Variants in NRXN1 observed in about 807,000 individuals in gnomAD.
NRXN1 encodes the protein neurexin-1.
NRXN1 carries 39 observed loss-of-function variants against 150.9 expected under a neutral mutation model. The ratio of observed to expected loss-of-function variants is 0.26; its 90% CI spans 0.20 to 0.34. The LOEUF (loss-of-function observed/expected upper bound fraction) is 0.34. Among genes scored for constraint, NRXN1 ranks in the 10% least tolerant of loss-of-function variants. The pLI is 1.00. For missense variants in NRXN1, 1,815 were observed against 1,949.9 expected (o/e 0.93, Z 1.30); for synonymous variants, 924 against 757.0 (o/e 1.22, Z -3.62).
At chr2:50,828,444 C>T (rs1452462934) in intron 5 of NRXN1, among the ~76,000 whole-genome samples, 18 of 149,060 alleles carry the variant, frequency 1.2e-4, no homozygotes, top group South Asian at 4.3e-4. Context: ...GGGCGGCTGC[C>T]GGGCGGAGGG....
intron 21 of NRXN1, chr2:49,973,199 T>C (rs1678259953): frequency 6.6e-6 from 1 of 152,208 alleles, no homozygotes; most frequent in Non-Finnish European, 1.5e-5. Context: ...AATTATTTCA[T>C]CTGGGAGGCA....
chr2:50,446,463 TC>T (rs1468915366), intron 17 of NRXN1, among the ~76,000 whole-genome samples: 1 of 124,780 alleles, frequency 8.0e-6, no homozygotes, highest in Non-Finnish European at 1.7e-5. Flanking sequence ...TTTCCCCTGT[TC>T]CTCCCTCCCT....
intron 18 of NRXN1, among the ~76,000 whole-genome samples, chr2:50,141,621 T>C (rs1315299886): frequency 6.6e-6 from 1 of 151,792 alleles, no homozygotes; most frequent in African/African-American, 2.4e-5. Flanking sequence ...AAAAGCCAAA[T>C]AAACACGTTA....
Position 50,660,502 on chromosome 2 carries a change from G to A in NRXN1, c.833-36887C>T, listed in dbSNP as rs539096265. 3.0e-4 allele frequency among the ~76,000 whole-genome samples: 46 copies of A among 152,110 alleles called. No homozygotes were observed. The South Asian group carries it at 8.5e-3, about 28-fold the overall frequency. ...CAAGTCAGTGCCACAATTAAGTCAC[G>A]ACCTAGTACCATTAATCTGTTTTGG... On this transcript the variant is annotated intron_variant, in intron 5 of 22. Transcript: ENST00000401669.
chr2:51,003,834 C>T (rs1470567468), intron 2 of NRXN1, among the ~76,000 whole-genome samples: 1 of 151,984 alleles, frequency 6.6e-6, no homozygotes, highest in Non-Finnish European at 1.5e-5. Flanking sequence ...TGAATCACCA[C>T]TACTCTGAAG....
At chr2:50,229,629 A>C (rs1269506786) in intron 18 of NRXN1, among the ~76,000 whole-genome samples, 1 of 152,066 alleles carries the variant, frequency 6.6e-6, no homozygotes, top group African/African-American at 2.4e-5. Context: ...TCTTCTAAAA[A>C]TTCCAGAATA....
chr2:50,169,011 C>T (rs766704555), intron 18 of NRXN1, among the ~76,000 whole-genome samples: 52 of 152,146 alleles, frequency 3.4e-4, no homozygotes, highest in Admixed American at 6.5e-4. Context: ...TTTTCACACA[C>T]GGAATGCTCA....
At chr2:50,254,118 C>G (rs191930740) in intron 17 of NRXN1, among the ~76,000 whole-genome samples, 1 of 151,950 alleles carries the variant, frequency 6.6e-6, no homozygotes, top group East Asian at 1.9e-4. Context: ...TTTGGGAATT[C>G]AACTTCTTCC....
chr2:49,993,751 G>GA (rs200145722), intron 21 of NRXN1, among the ~76,000 whole-genome samples: 1 of 152,164 alleles, frequency 6.6e-6, no homozygotes, highest in Admixed American at 6.5e-5. Flanking sequence ...AGAAATCATG[G>GA]AAAAAATAGA....
At chr2:50,433,485 C>G (rs921107247) in intron 17 of NRXN1, among the ~76,000 whole-genome samples, 6 of 151,716 alleles carry the variant, frequency 4.0e-5, no homozygotes, top group Non-Finnish European at 5.9e-5. Context: ...GTGGAAGAAA[C>G]GTTTCTTCTA....
chr2:51,012,872 T>C (rs1668099603), intron 2 of NRXN1, among the ~76,000 whole-genome samples: 1 of 152,078 alleles, frequency 6.6e-6, no homozygotes, highest in African/African-American at 2.4e-5. Context: ...GTTTTTGTTT[T>C]CTTTGTTTTG....
intron 2 of NRXN1, among the ~76,000 whole-genome samples, chr2:50,991,832 T>C (rs966314305): frequency 6.6e-6 from 1 of 152,060 alleles, no homozygotes; most frequent in Non-Finnish European, 1.5e-5. Flanking sequence ...CTTTTTATTG[T>C]TAACTCCATT....
At chr2:50,672,095 T>A (rs887622242) in intron 5 of NRXN1, among the ~76,000 whole-genome samples, 1 of 151,970 alleles carries the variant, frequency 6.6e-6, no homozygotes, top group African/African-American at 2.4e-5. Context: ...GATTGCTAAA[T>A]TGATTCTGAA....
chr2:50,680,878 T>G (rs1020765532), intron 5 of NRXN1, among the ~76,000 whole-genome samples: 7 of 152,144 alleles, frequency 4.6e-5, no homozygotes, highest in African/African-American at 1.7e-4. Flanking sequence ...ACACTCTCAT[T>G]TATCTCCCAG....
chr2:50,789,717 A>G (rs1228378692), intron 5 of NRXN1, among the ~76,000 whole-genome samples: 1 of 151,436 alleles, frequency 6.6e-6, no homozygotes, highest in Non-Finnish European at 1.5e-5. Context: ...GGGCATAACT[A>G]TTTTTTTTTA....
intron 2 of NRXN1, among the ~76,000 whole-genome samples, chr2:50,953,600 A>G (rs1041667695): frequency 1.4e-4 from 21 of 148,260 alleles, no homozygotes; most frequent in African/African-American, 5.2e-4. Flanking sequence ...TTTGTCACCC[A>G]GGCTGGAGTG....
At chr2:49,986,921 C>A (rs1681006718) in intron 21 of NRXN1, among the ~76,000 whole-genome samples, 1 of 151,946 alleles carries the variant, frequency 6.6e-6, no homozygotes, top group Non-Finnish European at 1.5e-5. Context: ...AAAAATTAGC[C>A]AGGTGGGGTG....
intron 19 of NRXN1, among the ~76,000 whole-genome samples, chr2:50,079,360 C>T (rs1047259385): frequency 6.6e-6 from 1 of 151,998 alleles, no homozygotes; most frequent in Admixed American, 6.5e-5. Flanking sequence ...CACAGCCACA[C>T]CCATTCATTT....
intron 16 of NRXN1, among the ~76,000 whole-genome samples, chr2:50,467,617 A>T (rs2089032853): frequency 6.6e-6 from 1 of 151,446 alleles, no homozygotes; most frequent in African/African-American, 2.4e-5. Context: ...GAGAATTCAC[A>T]AATTCAGAAA....
Sources: gnomAD v4.1 joint callset for allele counts (sites outside exome capture counted in the v4.1 genomes callset) on GRCh38, gnomAD v4.1.1 for gene constraint, MANE v1.5 for transcripts, NCBI Gene and HGNC (gene_info 2026-07-23, HGNC 2026-07-21) for gene names.